The following ZNF695 variants were observed in gnomAD, a reference collection of about 807,000 sequenced individuals.
ZNF695 encodes the protein zinc finger protein 695, also known as zinc finger protein SBZF3.
ZNF695 carries 11 observed loss-of-function variants against 11.2 expected under a neutral mutation model. That is an observed-to-expected ratio of 0.98 (90% CI 0.62 to 1.62). The LOEUF (loss-of-function observed/expected upper bound fraction) is 1.62. Among genes scored for constraint, ZNF695 ranks in the 40% most tolerant of loss-of-function variants. The pLI is 0.00. For missense variants in ZNF695, 559 were observed against 590.5 expected (o/e 0.95, Z 0.55); for synonymous variants, 190 against 201.4 (o/e 0.94, Z 0.48).
chr1:246,992,583 G>C (rs915381230), intron 3 of ZNF695, among the ~76,000 whole-genome samples: 8 of 152,188 alleles, frequency 5.3e-5, no homozygotes, highest in African/African-American at 1.9e-4. Flanking sequence ...ATAAATGCTT[G>C]AGGGAATGGA....
At chr1:246,949,419 C>T (rs772664536) in intron 5 of ZNF695, among the ~76,000 whole-genome samples, 9 of 152,012 alleles carry the variant, frequency 5.9e-5, no homozygotes, top group Non-Finnish European at 1.0e-4. Flanking sequence ...GGCGAAACCC[C>T]GTCTCTACTA....
intron 5 of ZNF695, among the ~76,000 whole-genome samples, chr1:246,964,539 A>T (rs1180147581): frequency 6.6e-6 from 1 of 152,224 alleles, no homozygotes; most frequent in Non-Finnish European, 1.5e-5. Context: ...AAATATTGCT[A>T]TGGTTTGAAT....
intron 5 of ZNF695, among the ~76,000 whole-genome samples, chr1:246,965,691 C>T (rs1011569802): frequency 4.0e-5 from 6 of 151,796 alleles, no homozygotes; most frequent in Non-Finnish European, 8.8e-5. Flanking sequence ...GAGCTGAGAT[C>T]GTTCCACCGT....
chr1:246,966,789 GA>G (rs765233641), intron 5 of ZNF695: 17 of 455,982 alleles, frequency 3.7e-5, no homozygotes, highest in Non-Finnish European at 7.1e-5. Flanking sequence ...ATTTTTAAAG[GA>G]AAAAAAAGTC....
In ZNF695 at chr1:246,999,382, C is replaced by G; in HGVS notation, c.225G>C (p.Trp75Cys). ...TGGCTGTCTTCTCTGTGTTCACGTT[C>G]CAGGGCTCTTTCCTTGCCTCCAGAC... is the stretch of plus-strand genomic sequence containing the variant. ...IICLEARKEP[W>C]NVNTEKTARH... Residue 75 changes from tryptophan to cysteine, a missense_variant, in exon 3 of 4, where the codon TGG (tryptophan) becomes TGC (cysteine). Transcript: ENST00000339986. 1 of 1,614,054 alleles carries G rather than the reference C, an allele frequency of 6.2e-7. No individual in the cohort carries two copies. Among genetic ancestry groups the G allele is most frequent in the Non-Finnish European group, 8.5e-7 (1 of 1,179,970 alleles).
chr1:247,002,757 T>A (rs576262452), intron 1 of ZNF695, among the ~76,000 whole-genome samples: 3 of 150,282 alleles, frequency 2.0e-5, no homozygotes, highest in African/African-American at 7.4e-5. Context: ...CACTACAGCC[T>A]GGGTGAAAGA....
Position 246,986,917 on chromosome 1 carries a change from G to T in ZNF695, c.*50C>A. ...TAAAAATATTCTGCTGTGAAGTTGT[G>T]AATAGGTATTAAAGACTATGCCATA... On this transcript the variant is annotated 3_prime_UTR_variant, in exon 4 of 4. Transcript: ENST00000339986. 6.6e-7 allele frequency: 1 copy of T among 1,519,562 alleles called. No homozygotes were observed. Among genetic ancestry groups the T allele is most frequent in the South Asian group, 1.4e-5 (1 of 73,272 alleles). 94.1% of individuals were successfully genotyped at this position (1,519,562 alleles called of 1,614,324 possible).
intron 5 of ZNF695, among the ~76,000 whole-genome samples, chr1:246,960,432 T>C (rs1356769291): frequency 2.6e-5 from 4 of 152,242 alleles, no homozygotes; most frequent in Admixed American, 2.6e-4. Context: ...GTTTGTCATA[T>C]ATGTAAAAGT....
At chr1:247,000,444 C>T (rs890327062) in intron 1 of ZNF695, among the ~76,000 whole-genome samples, 7 of 151,350 alleles carry the variant, frequency 4.6e-5, no homozygotes, top group African/African-American at 1.7e-4. Context: ...TGCAGTGAGC[C>T]GAGATCACAC....
At chr1:246,978,221 A>G (rs1233073721) in intron 4 of ZNF695, among the ~76,000 whole-genome samples, 1 of 152,218 alleles carries the variant, frequency 6.6e-6, no homozygotes, top group African/African-American at 2.4e-5. Context: ...AAAACCCTCA[A>G]ATTCAGAATA....
intron 5 of ZNF695, among the ~76,000 whole-genome samples, chr1:246,950,799 G>A (rs995027769): frequency 2.0e-5 from 3 of 151,974 alleles, no homozygotes; most frequent in Admixed American, 2.0e-4. Flanking sequence ...TGACCACTCT[G>A]TCTCGGTTTC....
chr1:247,000,101 T>A, intron 1 of ZNF695, 27 bp from the exon 2 acceptor site: 1 of 1,584,202 alleles, frequency 6.3e-7, no homozygotes, highest in Non-Finnish European at 8.6e-7. Flanking sequence ...ATTTACCAAG[T>A]GGTCACGGCA....
At chr1:246,953,162 G>A (rs188646952) in intron 5 of ZNF695, among the ~76,000 whole-genome samples, 1 of 152,210 alleles carries the variant, frequency 6.6e-6, no homozygotes, top group East Asian at 1.9e-4. Context: ...TTTGGAGGGA[G>A]GCTTAAGGGA....
intron 4 of ZNF695, among the ~76,000 whole-genome samples, chr1:246,978,126 T>C (rs983293426): frequency 6.6e-6 from 1 of 152,170 alleles, no homozygotes; most frequent in African/African-American, 2.4e-5. Context: ...GGAGACATGA[T>C]TGGGAGTGGC....
intron 4 of ZNF695, among the ~76,000 whole-genome samples, chr1:246,971,505 G>A (rs532287139): frequency 2.4e-4 from 36 of 152,198 alleles, no homozygotes; most frequent in South Asian, 1.2e-3. Flanking sequence ...GCTAAGTAAC[G>A]GGAGCCTTCC....
intron 2 of ZNF695, 82 bp downstream of exon 2, chr1:246,999,830 G>C: frequency 2.1e-6 from 3 of 1,401,292 alleles, no homozygotes; most frequent in Admixed American, 4.4e-5. Context: ...AGGTTTTCTT[G>C]AAAGCAGTGA....
At chr1:246,968,976 A>G (rs758490948) in intron 4 of ZNF695, 4 of 152,246 alleles carry the variant, frequency 2.6e-5, no homozygotes, top group Non-Finnish European at 5.9e-5. Flanking sequence ...GGCTGCCACG[A>G]AAGTCTCTGA....
At position 246,987,826 on chromosome 1, in the gene ZNF695, C is replaced by T. The variant is rs375148264; in HGVS notation, c.689G>A (p.Cys230Tyr). ...TTTCTCTCCAACATGAATTCTCTTA[C>T]AGTCAGTAAAGCATGAGCACTCATT... ...AFNECSCFTD[C>Y]KRIHVGEKHC... Residue 230 changes from cysteine (C) to tyrosine (Y), a missense_variant, in exon 4 of 4, where the codon TGT becomes TAT. Cys to Tyr is a radical substitution (Grantham distance 194). Transcript: ENST00000339986. The T allele has an allele frequency of 2.2e-5, 35 of 1,611,558 alleles. No individual in the cohort carries two copies. The highest frequency in any genetic ancestry group is 2.7e-5 in the Non-Finnish European group (32 of 1,179,306).
intron 5 of ZNF695, chr1:246,966,827 T>C (rs1668302542): frequency 2.2e-6 from 1 of 456,814 alleles, no homozygotes; most frequent in Non-Finnish European, 4.4e-6. Flanking sequence ...GGGGAGGTCC[T>C]GTGAGCCACT....
Sources: gnomAD v4.1 joint callset for allele counts (sites outside exome capture counted in the v4.1 genomes callset) on GRCh38, gnomAD v4.1.1 for gene constraint, MANE v1.5 for transcripts, NCBI Gene and HGNC (gene_info 2026-07-23, HGNC 2026-07-21) for gene names.